AGMO: variants seen among roughly 807,000 people sequenced by gnomAD.
AGMO encodes the protein alkylglycerol monooxygenase.
In AGMO, 75 loss-of-function variants were observed where a neutral mutation model predicts 60.2. The observed-to-expected ratio is 1.25, with a 90% confidence interval of 1.03 to 1.51. The LOEUF (loss-of-function observed/expected upper bound fraction) is 1.51. AGMO is among the 40% of genes most tolerant of loss of function. The probability of loss-of-function intolerance (pLI) is 0.00; values close to 1 mark genes in which losing one functional copy is unlikely to be tolerated. For synonymous variants in AGMO, 261 were observed against 177.1 expected (o/e 1.47, Z -3.76); for missense variants, 763 against 525.5 (o/e 1.45, Z -4.42).
intron 12 of AGMO, among the ~76,000 whole-genome samples, chr7:15,299,584 G>T (rs898889334): frequency 2.6e-5 from 4 of 152,168 alleles, no homozygotes; most frequent in African/African-American, 9.6e-5. Context: ...CTAGCACTTT[G>T]GGAGGCCAAG....
chr7:15,495,209 C>T (rs568998304), intron 3 of AGMO, among the ~76,000 whole-genome samples: 43 of 152,264 alleles, frequency 2.8e-4, no homozygotes, highest in Admixed American at 5.9e-4. Flanking sequence ...CATTTTATCA[C>T]CTTAAGCTCC....
chr7:15,241,459 CAAAA>C (rs61727790), intron 12 of AGMO, among the ~76,000 whole-genome samples: 65 of 51,342 alleles, frequency 1.3e-3, no homozygotes, highest in African/African-American at 4.7e-3. Context: ...GACTCCGTCT[CAAAA>C]AAAAAAAAAA....
chr7:15,366,279 C>T (rs904456314), intron 10 of AGMO, 57 bp from the exon 11 acceptor site: 29 of 1,373,200 alleles, frequency 2.1e-5, no homozygotes, highest in South Asian at 1.1e-4. Context: ...AAAAGGTACA[C>T]GAACGGTTAA....
rs1183407309 is a variant in AGMO at position 15,204,120 on chromosome 7, CAG to C, written c.1264-2763_1264-2762del. ...TAGAAAATATTTCAGTAGAAGAAAACAGAGTTAATTTTACACTTTAGAATATA... is the reference window on the plus strand; with the variant it reads ...TAGAAAATATTTCAGTAGAAGAAAACAGTTAATTTTACACTTTAGAATATA... On this transcript the variant is annotated intron_variant, in intron 12 of 12. Coordinates refer to ENST00000342526, the MANE Select transcript of AGMO (RefSeq NM_001004320.2). Among the ~76,000 whole-genome samples the C allele has an allele frequency of 4.6e-5, 7 of 152,022 alleles. No individual in the cohort carries two copies. In the East Asian group the frequency reaches 1.2e-3, roughly 25 times the overall value.
intron 12 of AGMO, among the ~76,000 whole-genome samples, chr7:15,322,783 C>A: frequency 7.6e-6 from 1 of 131,718 alleles, no homozygotes; most frequent in East Asian, 2.1e-4. Flanking sequence ...ATCAAAACTC[C>A]TTTCCTGATA....
At chr7:15,349,380 TTTGA>T (rs1782150359) in intron 12 of AGMO, among the ~76,000 whole-genome samples, 1 of 152,148 alleles carries the variant, frequency 6.6e-6, no homozygotes. Context: ...TTTTGTCTAC[TTTGA>T]TTATTCATTT....
At chr7:15,313,511 A>T (rs1780827564) in intron 12 of AGMO, among the ~76,000 whole-genome samples, 1 of 152,206 alleles carries the variant, frequency 6.6e-6, no homozygotes. Context: ...TTTTACCAGC[A>T]GATGTGCTTA....
chr7:15,340,008 C>G (rs970400911), intron 12 of AGMO, among the ~76,000 whole-genome samples: 1 of 152,106 alleles, frequency 6.6e-6, no homozygotes, highest in Non-Finnish European at 1.5e-5. Context: ...AGCACAGATA[C>G]AAGTACAAGT....
Position 15,365,380 on chromosome 7 carries a change from T to TAAAAAAAAAAAAAAAAAAAAAAA in AGMO, c.1263+133_1263+134insTTTTTTTTTTTTTTTTTTTTTTT, listed in dbSNP as rs60202363. 7.6e-4 allele frequency: 170 copies of TAAAAAAAAAAAAAAAAAAAAAAA among 223,876 alleles called. 10 individuals carry two copies. The highest frequency in any genetic ancestry group is 3.0e-3 in the African/African-American group (51 of 17,250). The allele number at this position is 223,876 out of a possible 1,614,324, so 13.9% of individuals were successfully genotyped here. Reference sequence around the variant, plus strand: ...GACACAACTAACAAGTACTGGTAAGTAAAAAAAAAAAAAAAGATCAAGATT... The same window carrying TAAAAAAAAAAAAAAAAAAAAAAA: ...GACACAACTAACAAGTACTGGTAAGTAAAAAAAAAAAAAAAAAAAAAAAAAAAAAAAAAAAAAAGATCAAGATT... On this transcript the variant is annotated intron_variant, in intron 12 of 12. Coordinates refer to ENST00000342526, the MANE Select transcript of AGMO (RefSeq NM_001004320.2).
At chr7:15,349,218 A>G (rs1439740912) in intron 12 of AGMO, among the ~76,000 whole-genome samples, 2 of 152,120 alleles carry the variant, frequency 1.3e-5, no homozygotes, top group Non-Finnish European at 2.9e-5. Flanking sequence ...GTTGTCATTT[A>G]CATTAAAGAT....
At chr7:15,370,600 G>A (rs1187509856) in intron 10 of AGMO, among the ~76,000 whole-genome samples, 1 of 152,118 alleles carries the variant, frequency 6.6e-6, no homozygotes, top group Non-Finnish European at 1.5e-5. Context: ...GTGTGAAACA[G>A]TATCTCATTG....
the AGMO span, among the ~76,000 whole-genome samples, chr7:15,161,509 A>G: frequency 1.3e-4 from 20 of 151,712 alleles, no homozygotes; most frequent in Non-Finnish European, 7.4e-5. Flanking sequence ...CATATGTCAT[A>G]TATGTATTAA....
chr7:15,543,703 G>A (rs1045314706), intron 3 of AGMO, among the ~76,000 whole-genome samples: 1 of 152,028 alleles, frequency 6.6e-6, no homozygotes, highest in African/African-American at 2.4e-5. Flanking sequence ...ATGGAAGGCA[G>A]TATATTAAAA....
intron 12 of AGMO, among the ~76,000 whole-genome samples, chr7:15,283,855 A>C (rs1776536245): frequency 6.6e-6 from 1 of 151,858 alleles, no homozygotes; most frequent in Non-Finnish European, 1.5e-5. Context: ...ATGAAGTTTA[A>C]AAAAAAATGA....
chr7:15,400,783 A>AG (rs537004646), intron 5 of AGMO, among the ~76,000 whole-genome samples: 168 of 152,346 alleles, frequency 1.1e-3, no homozygotes, highest in African/African-American at 4.0e-3. Flanking sequence ...CTGGATAATA[A>AG]GGTGATTAAA....
intron 5 of AGMO, among the ~76,000 whole-genome samples, chr7:15,408,405 C>A (rs1429779458): frequency 6.6e-6 from 1 of 151,644 alleles, no homozygotes; most frequent in Non-Finnish European, 1.5e-5. Context: ...TGTAAAAAAA[C>A]CAGAATTCTG....
In AGMO at chr7:15,284,495, C is replaced by T. The variant is rs537304928; in HGVS notation, c.1263+81019G>A. Among the ~76,000 whole-genome samples the T allele has an allele frequency of 5.3e-4, 80 of 152,020 alleles. 1 individual carries two copies. The highest frequency in any genetic ancestry group is 1.6e-3 in the African/African-American group (66 of 41,544). On this transcript the variant is annotated intron_variant, in intron 12 of 12. Coordinates refer to ENST00000342526, the MANE Select transcript of AGMO (RefSeq NM_001004320.2). ...GAGGAAATGAATAAGCTCTTGGAAA[C>T]GTACAATCCTCCTAAATTAAATCAA...
intron 12 of AGMO, among the ~76,000 whole-genome samples, chr7:15,239,384 G>A (rs903771052): frequency 6.6e-6 from 1 of 152,106 alleles, no homozygotes; most frequent in African/African-American, 2.4e-5. Flanking sequence ...TTCCTGTTAT[G>A]AAATATTAAG....
At chr7:15,291,103 A>T (rs111891993) in intron 12 of AGMO, among the ~76,000 whole-genome samples, 1 of 152,174 alleles carries the variant, frequency 6.6e-6, no homozygotes, top group East Asian at 1.9e-4. Context: ...AATATGTGCA[A>T]GTCTGATGAT....
Sources: gnomAD v4.1 joint callset for allele counts (sites outside exome capture counted in the v4.1 genomes callset) on GRCh38, gnomAD v4.1.1 for gene constraint, MANE v1.5 for transcripts, NCBI Gene and HGNC (gene_info 2026-07-23, HGNC 2026-07-21) for gene names.